The following SFT2D1 variants were observed in gnomAD, a reference collection of about 807,000 sequenced individuals.
SFT2D1 encodes SFT2 domain containing 1, also known as vesicle transport protein SFT2A.
In SFT2D1, 24 loss-of-function variants were observed where a neutral mutation model predicts 28.1. The ratio of observed to expected loss-of-function variants is 0.85; its 90% CI spans 0.62 to 1.20. The LOEUF (loss-of-function observed/expected upper bound fraction) is 1.20. Ranked by LOEUF, SFT2D1 falls within the 50% of genes most tolerant of loss-of-function variation. The pLI, the probability that SFT2D1 is intolerant of heterozygous loss-of-function variation, is 0.00. For missense variants in SFT2D1, 181 were observed against 190.9 expected (o/e 0.95, Z 0.31); for synonymous variants, 82 against 73.7 (o/e 1.11, Z -0.58).
rs1778512849 is a variant in SFT2D1, at chr6:166,329,600, A to T, written c.151-11T>A. ...CAGCAATCCAGTTCCCTAAGTTAAG[A>T]TATTATAGTTATTTTAAAATAATTT... is the stretch of plus-strand genomic sequence containing the variant. On this transcript the variant is annotated splice_polypyrimidine_tract_variant and intron_variant, in intron 2 of 7. Transcript: ENST00000361731. 6.4e-7 allele frequency: 1 copy of T among 1,571,128 alleles called. No homozygotes were observed. The highest frequency in any genetic ancestry group is 8.6e-7 in the Non-Finnish European group (1 of 1,161,912).
At chr6:166,331,667 C>T (rs1778554194) in intron 1 of SFT2D1, among the ~76,000 whole-genome samples, 1 of 152,078 alleles carries the variant, frequency 6.6e-6, no homozygotes, top group African/African-American at 2.4e-5. Flanking sequence ...GAATAAACTG[C>T]AAAGACTGAA....
Position 166,328,284 on chromosome 6 carries a change from C to T in SFT2D1, c.307G>A (p.Val103Ile), listed in dbSNP as rs377360596. 4 of 1,586,084 alleles carry T rather than the reference C, an allele frequency of 2.5e-6. No homozygotes were observed. Among genetic ancestry groups the T allele is most frequent in the Non-Finnish European group, 3.4e-6 (4 of 1,166,692 alleles). The change falls in exon 4 of 8, where the codon GTT becomes ATT. Residue 103 changes from valine (V) to isoleucine (I), a missense_variant. By Grantham distance (29) the Val-to-Ile change is conservative. Transcript: ENST00000361731. ...ATGTATTATTTACTTACAAGCATAA[C>T]AATTGTTGCAAGCAATCTTGTTGCT... ...FEATRLLATI[V>I]MLLCFIFTLC...
intron 5 of SFT2D1, 190 bp downstream of exon 5, chr6:166,325,942 T>G (rs559696153): frequency 1.6e-6 from 1 of 635,930 alleles, no homozygotes; most frequent in East Asian, 2.8e-5. Flanking sequence ...ACCTCTATGC[T>G]GTAGACAGTA....
chr6:166,322,419 C>T (rs1383599671), intron 7 of SFT2D1, among the ~76,000 whole-genome samples: 2 of 151,918 alleles, frequency 1.3e-5, no homozygotes, highest in Non-Finnish European at 1.5e-5. Flanking sequence ...CTGCCGGGCG[C>T]GGTGGCTCAC....
At chr6:166,340,004 A>T (rs758046580) in intron 1 of SFT2D1, among the ~76,000 whole-genome samples, 3 of 152,148 alleles carry the variant, frequency 2.0e-5, no homozygotes, top group Non-Finnish European at 2.9e-5. Context: ...CTCCTCCCAC[A>T]GTCACTTAAT....
At chr6:166,321,319 T>TA (rs1276404082) in intron 7 of SFT2D1, among the ~76,000 whole-genome samples, 1 of 152,202 alleles carries the variant, frequency 6.6e-6, no homozygotes, top group Non-Finnish European at 1.5e-5. Context: ...GTACATTGCT[T>TA]ATTGCTCTCG....
chr6:166,322,637 G>A (rs539281384), intron 7 of SFT2D1, among the ~76,000 whole-genome samples: 2 of 143,492 alleles, frequency 1.4e-5, no homozygotes, highest in Non-Finnish European at 3.0e-5. Flanking sequence ...ATTACAGTGA[G>A]CCGAGATGGT....
chr6:166,328,168 A>T (rs1184154707), intron 4 of SFT2D1, 108 bp downstream of exon 4: 4 of 476,814 alleles, frequency 8.4e-6, no homozygotes, highest in Non-Finnish European at 1.4e-5. Context: ...ATAATAAAAA[A>T]AAATAAAAAT....
chr6:166,319,819 G>A lies in SFT2D1; in HGVS notation c.*398C>T, dbSNP rs1179845680. 6.5e-6 allele frequency: 1 copy of A among 153,086 alleles called. No individual in the cohort carries two copies. Among genetic ancestry groups the A allele is most frequent in the African/African-American group, 2.4e-5 (1 of 41,294 alleles). The allele number at this position is 153,086 out of a possible 1,614,324, so 9.5% of individuals were successfully genotyped here. On this transcript the variant is annotated 3_prime_UTR_variant, in exon 8 of 8. Coordinates refer to ENST00000361731, the MANE Select transcript of SFT2D1 (RefSeq NM_145169.3). The stretch of plus-strand genomic sequence containing the variant: ...ATAAGCAATTTTTAGCTTAAAATAA[G>A]TTTCACATTTAAAGTAAAAAAAATC...
intron 1 of SFT2D1, chr6:166,335,102 T>G: frequency 1.7e-6 from 1 of 580,340 alleles, no homozygotes; most frequent in Non-Finnish European, 3.3e-6. Flanking sequence ...AACTGTGAAG[T>G]TAGGGAAGTC....
rs765120312 is a variant in SFT2D1 at position 166,328,307 on chromosome 6, G to T, written c.284C>A (p.Ala95Glu). The T allele has an allele frequency of 6.3e-7, 1 of 1,595,158 alleles. No individual in the cohort carries two copies. Among genetic ancestry groups the T allele is most frequent in the African/African-American group, 1.3e-5 (1 of 74,180 alleles). Reference sequence around the variant, plus strand: ...AACAATTGTTGCAAGCAATCTTGTTGCTTCAAACATTTTCTTCAGTTGCTT... The same window carrying T: ...AACAATTGTTGCAAGCAATCTTGTTTCTTCAAACATTTTCTTCAGTTGCTT... Reference protein sequence around the residue: ...PVKQLKKMFEATRLLATIVML... With the variant: ...PVKQLKKMFEETRLLATIVML... The change falls in exon 4 of 8, where the codon GCA (alanine) becomes GAA (glutamate). Residue 95 changes from alanine (A) to glutamate (E), a missense_variant. Transcript: ENST00000361731.
chr6:166,337,576 A>G (rs536641186), intron 1 of SFT2D1, among the ~76,000 whole-genome samples: 1 of 150,962 alleles, frequency 6.6e-6, no homozygotes, highest in Admixed American at 6.6e-5. Flanking sequence ...GTTTCTCTAC[A>G]CTCCCCCTAA....
In SFT2D1 at chr6:166,332,263, T is replaced by C. The variant is rs79393514; in HGVS notation, c.64-2016A>G. Among the ~76,000 whole-genome samples the C allele has an allele frequency of 4.7e-4, 72 of 152,316 alleles. 6 individuals are homozygous for C. The East Asian group carries it at 0.014, about 29-fold the overall frequency. On this transcript the variant is annotated intron_variant, in intron 1 of 7. Coordinates refer to ENST00000361731, the MANE Select transcript of SFT2D1 (RefSeq NM_145169.3). Reference sequence around the variant, plus strand: ...CTAGGAGACAGAAGGAACCCTGACGTCTGCTTATCACAAGCATTTTTTTGA... The same window carrying C: ...CTAGGAGACAGAAGGAACCCTGACGCCTGCTTATCACAAGCATTTTTTTGA...
rs202171522 is a variant in SFT2D1, at chr6:166,319,810, TTAAAA to T, written c.*402_*406del. Reference sequence around the variant, plus strand: ...TTACATATAATAAGCAATTTTTAGCTTAAAATAAGTTTCACATTTAAAGTAAAAAA... The same window carrying T: ...TTACATATAATAAGCAATTTTTAGCTTAAGTTTCACATTTAAAGTAAAAAA... On this transcript the variant is annotated 3_prime_UTR_variant, in exon 8 of 8. Transcript: ENST00000361731. 0.018 allele frequency: 2,807 copies of T among 153,098 alleles called. 77 individuals are homozygous for T. Among genetic ancestry groups the T allele is most frequent in the South Asian group, 0.073 (354 of 4,836 alleles). 9.5% of individuals were successfully genotyped at this position (153,098 alleles called of 1,614,324 possible).
Position 166,326,168 on chromosome 6 carries a change from C to G in SFT2D1, c.316-1G>C. On this transcript the variant is annotated splice_acceptor_variant, in intron 4 of 7. Coordinates refer to ENST00000361731, the MANE Select transcript of SFT2D1 (RefSeq NM_145169.3). LOFTEE classifies it high-confidence loss of function. ...CACACAGGGTAAATATGAAACACAACTACAGGGGAAGAAAGAGTAGATTAT... is the reference window on the plus strand; with the variant it reads ...CACACAGGGTAAATATGAAACACAAGTACAGGGGAAGAAAGAGTAGATTAT... 2 of 1,613,162 alleles carry G rather than the reference C, an allele frequency of 1.2e-6. No homozygotes were observed. Among genetic ancestry groups the G allele is most frequent in the Non-Finnish European group, 1.7e-6 (2 of 1,179,324 alleles).
rs114466429 is a variant in SFT2D1, at chr6:166,329,363, A to C, written c.233+144T>G. On this transcript the variant is annotated intron_variant, in intron 3 of 7. Transcript: ENST00000361731. ...GAGACGGCATACAGCAGCAGTCAAT[A>C]CATATTTATTTAATGAATGTAAATC... is the stretch of plus-strand genomic sequence containing the variant. 5.6e-4 allele frequency: 357 copies of C among 636,978 alleles called. 2 individuals are homozygous for C. Among genetic ancestry groups the C allele is most frequent in the African/African-American group, 5.5e-3 (304 of 55,262 alleles). 39.5% of individuals were successfully genotyped at this position (636,978 alleles called of 1,614,324 possible).
At chr6:166,320,705 T>G (rs6918901) in intron 7 of SFT2D1, among the ~76,000 whole-genome samples, 10 of 150,362 alleles carry the variant, frequency 6.7e-5, no homozygotes, top group Non-Finnish European at 1.5e-4. Context: ...TTAATAGAGA[T>G]AGGGTCTTGC....
intron 1 of SFT2D1, among the ~76,000 whole-genome samples, chr6:166,331,672 AC>A (rs1778554263): frequency 6.6e-6 from 1 of 152,196 alleles, no homozygotes; most frequent in South Asian, 2.1e-4. Context: ...AACTGCAAAG[AC>A]TGAATTACAT....
intron 3 of SFT2D1, 150 bp from the exon 4 acceptor site, chr6:166,328,507 A>C (rs888768154): frequency 1.9e-5 from 9 of 476,280 alleles, no homozygotes; most frequent in Non-Finnish European, 2.6e-5. Context: ...CTTTATAAAG[A>C]AACTTTACAA....
Sources: gnomAD v4.1 joint callset for allele counts (sites outside exome capture counted in the v4.1 genomes callset) on GRCh38, gnomAD v4.1.1 for gene constraint, MANE v1.5 for transcripts, NCBI Gene and HGNC (gene_info 2026-07-23, HGNC 2026-07-21) for gene names.